KREMEN1: variants seen among roughly 807,000 people sequenced by gnomAD.
KREMEN1 encodes the protein kringle containing transmembrane protein 1, also known as kremen protein 1.
KREMEN1 carries 30 observed loss-of-function variants against 46.5 expected under a neutral mutation model. The observed-to-expected ratio is 0.65, with a 90% CI of 0.48 to 0.88. The LOEUF is 0.88. KREMEN1 is among the 40% of genes least tolerant of loss of function. The probability of loss-of-function intolerance (pLI) is 0.00; values close to 1 mark genes in which losing one functional copy is unlikely to be tolerated. For synonymous variants in KREMEN1, 214 were observed against 230.6 expected, an observed-to-expected ratio of 0.93 and a Z score of 0.65; for missense variants, 533 against 596.9, an observed-to-expected ratio of 0.89 and a Z score of 1.11.
chr22:29,096,025 T>A (rs990809378), intron 2 of KREMEN1, among the ~76,000 whole-genome samples: 1 of 152,226 alleles, frequency 6.6e-6, no homozygotes, highest in Non-Finnish European at 1.5e-5. Context: ...TTTTGCTATC[T>A]GTTGTATTTT....
intron 3 of KREMEN1, among the ~76,000 whole-genome samples, chr22:29,099,876 C>T (rs1298328531): frequency 1.3e-5 from 2 of 151,832 alleles, no homozygotes; most frequent in Non-Finnish European, 2.9e-5. Flanking sequence ...TATATGCAAA[C>T]TACAAAGACA....
rs998094745 is a variant in KREMEN1, at chr22:29,090,500, A to G, written c.98-3758A>G. 4.6e-5 allele frequency among the ~76,000 whole-genome samples: 7 copies of G among 152,222 alleles called. No homozygotes were observed. The East Asian group carries it at 1.3e-3, about 29-fold the overall frequency. On this transcript the variant is annotated intron_variant, in intron 1 of 8. Transcript: ENST00000400335. ...GTTTACCTGTGTAACAAACCTTCAC[A>G]TGTACCCCTGAACCCAAAATAAAAG...
intron 9 of KREMEN1, among the ~76,000 whole-genome samples, chr22:29,160,512 C>G (rs1334544676): frequency 1.4e-5 from 2 of 146,872 alleles, no homozygotes; most frequent in Non-Finnish European, 3.0e-5. Flanking sequence ...TGCACTCCAG[C>G]CTGGGTGACA....
chr22:29,130,866 A>G (rs1010730121), intron 5 of KREMEN1, among the ~76,000 whole-genome samples: 3 of 152,204 alleles, frequency 2.0e-5, no homozygotes, highest in Non-Finnish European at 2.9e-5. Context: ...CTCTCCTTCA[A>G]AAAATAAGGT....
intron 3 of KREMEN1, among the ~76,000 whole-genome samples, chr22:29,102,784 C>G (rs2037996722): frequency 6.6e-6 from 1 of 152,046 alleles, no homozygotes; most frequent in African/African-American, 2.4e-5. Context: ...CCTTGATAAC[C>G]CTCTAAAATC....
rs913307831 is a variant in KREMEN1, at chr22:29,137,617, T to C, written c.907T>C (p.Leu303=). 1 of 1,612,422 alleles carries C rather than the reference T, an allele frequency of 6.2e-7. No individual in the cohort carries two copies. ...CAACGTCTCTCTGGACTTCGTCATC[T>C]TGTATTTCTTCTCTGATCGCATCAA... ...SFNVSLDFVI[L]YFFSDRINQA... is the part of the protein sequence containing the mutation. The change falls in exon 6 of 9, where the codon TTG becomes CTG. Residue 303 remains leucine, a synonymous_variant. Transcript: ENST00000400335.
intron 9 of KREMEN1, among the ~76,000 whole-genome samples, chr22:29,155,959 C>CA (rs11320591): frequency 0.021 from 3,138 of 147,992 alleles, 42 homozygotes; most frequent in African/African-American, 0.025. Context: ...AACTCCATCT[C>CA]AAAAAAAAAA....
downstream of KREMEN1, among the ~76,000 whole-genome samples, chr22:29,147,930 C>T (rs543530160): frequency 6.6e-6 from 1 of 152,290 alleles, no homozygotes; most frequent in East Asian, 1.9e-4. Context: ...TAGTACCTGC[C>T]TTTGTGAGGC....
rs1160026569 is a variant in KREMEN1 at position 29,131,558 on chromosome 22, ATATGTG to A, written c.632-5782_632-5777del. Among the ~76,000 whole-genome samples, 135 of 59,630 alleles carry A rather than the reference ATATGTG, an allele frequency of 2.3e-3. 1 individual carries two copies. Among genetic ancestry groups the A allele is most frequent in the South Asian group, 0.012 (26 of 2,208 alleles). The allele number at this position is 59,630 out of a possible 152,430, so 39.1% of individuals were successfully genotyped here. A position where few individuals can be genotyped will look rare whatever the true frequency, so the allele number is the denominator to read the frequency against. ...TATATATATATATATATATATATATATATGTGTGTGTGTGTGTGTGTGTGTGTGTGT... is the reference window on the plus strand; with the variant it reads ...TATATATATATATATATATATATATATGTGTGTGTGTGTGTGTGTGTGTGT... On this transcript the variant is annotated intron_variant, in intron 5 of 8. Transcript: ENST00000400335.
In KREMEN1 at chr22:29,137,473, C is replaced by T; in HGVS notation, c.763C>T (p.His255Tyr). 6.2e-7 allele frequency: 1 copy of T among 1,607,468 alleles called. No individual in the cohort carries two copies. Among genetic ancestry groups the T allele is most frequent in the East Asian group, 2.2e-5 (1 of 44,628 alleles). ...CCGGGTTCCGGGGGCCTCCCACATC[C>T]ACTTCAGCTTCCCCCTATTTGACAT... ...TIRVPGASHI[H>Y]FSFPLFDIRD... Residue 255 changes from histidine to tyrosine, a missense_variant, in exon 6 of 9, where the codon CAC becomes TAC. Transcript: ENST00000400335.
At chr22:29,161,254 TC>T (rs566173700) in intron 9 of KREMEN1, among the ~76,000 whole-genome samples, 239 of 152,230 alleles carry the variant, frequency 1.6e-3, no homozygotes, top group African/African-American at 5.5e-3. Context: ...ATGCCTGTGA[TC>T]CCAGCACTTT....
intron 5 of KREMEN1, among the ~76,000 whole-genome samples, chr22:29,136,357 A>G (rs900910144): frequency 1.3e-5 from 2 of 151,830 alleles, no homozygotes; most frequent in Non-Finnish European, 2.9e-5. Flanking sequence ...GTGGATCACG[A>G]GGTCAGGAGA....
In KREMEN1 at chr22:29,144,163, T is replaced by C. The variant is rs1337440743; in HGVS notation, c.*2051T>C. ...GATTGTTGCGCCTCTGGCTTTGGCG[T>C]TTCCTCTTTGCAGCACTTTGCCTAC... On this transcript the variant is annotated 3_prime_UTR_variant, in exon 9 of 9. Transcript: ENST00000400335. 1.1e-5 allele frequency: 11 copies of C among 985,540 alleles called. No individual in the cohort carries two copies. Among genetic ancestry groups the C allele is most frequent in the Non-Finnish European group, 1.3e-5 (11 of 830,088 alleles). 61.0% of individuals were successfully genotyped at this position (985,540 alleles called of 1,614,324 possible).
Position 29,121,409 on chromosome 22 carries a change from T to C in KREMEN1, c.405T>C (p.Thr135=), listed in dbSNP as rs776457297. The C allele has an allele frequency of 6.2e-7, 1 of 1,614,108 alleles. No individual in the cohort carries two copies. The highest frequency in any genetic ancestry group is 1.1e-5 in the South Asian group (1 of 91,080). The change falls in exon 4 of 9, where the codon ACT becomes ACC. Residue 135 remains threonine (T), a synonymous_variant. Transcript: ENST00000400335. ...YKDHGNPPPL[T]GTSKTSNKLT... ...ATCATGGAAACCCACCTCCTCTAAC[T>C]GGCACCAGTAAAACGTCCAACAAAC...
At chr22:29,132,354 G>A (rs1413308234) in intron 5 of KREMEN1, among the ~76,000 whole-genome samples, 1 of 152,144 alleles carries the variant, frequency 6.6e-6, no homozygotes, top group Non-Finnish European at 1.5e-5. Flanking sequence ...TGCTTATGTG[G>A]ACATATGTTG....
At chr22:29,094,626 C>CT (rs134659) in intron 2 of KREMEN1, among the ~76,000 whole-genome samples, 34,373 of 112,680 alleles carry the variant, frequency 0.31, 7,959 homozygotes, top group Middle Eastern at 0.49. Context: ...ATTTACCACT[C>CT]TTTTTTTTTT....
chr22:29,096,796 C>T lies in KREMEN1; in HGVS notation c.261-2066C>T, dbSNP rs9625702. ...GCTTTACCAAATAAATACATCAAAG[C>T]TGAACACCGAATAGAGGGAGGAAAA... On this transcript the variant is annotated intron_variant, in intron 2 of 8. Coordinates refer to ENST00000400335, the MANE Select transcript of KREMEN1 (RefSeq NM_001039570.3). 4.2e-3 allele frequency among the ~76,000 whole-genome samples: 638 copies of T among 152,308 alleles called. 6 individuals are homozygous for T. The highest frequency in any genetic ancestry group is 0.015 in the African/African-American group (603 of 41,574).
At position 29,144,701 on chromosome 22, in the gene KREMEN1, AG is replaced by A; in HGVS notation, c.*2591del. 1.0e-6 allele frequency: 1 copy of A among 985,516 alleles called. No individual in the cohort carries two copies. The allele number at this position is 985,516 out of a possible 1,614,324, so 61.0% of individuals were successfully genotyped here. ...CAAAGGGAATGTGGCACGTGGCCCC[AG>A]GAAGAGTTCACCCGGCCAGGGGGCA... On this transcript the variant is annotated 3_prime_UTR_variant, in exon 9 of 9. Coordinates refer to ENST00000400335, the MANE Select transcript of KREMEN1 (RefSeq NM_001039570.3).
intron 9 of KREMEN1, among the ~76,000 whole-genome samples, chr22:29,159,798 G>T (rs1461992614): frequency 3.3e-5 from 5 of 152,158 alleles, no homozygotes; most frequent in African/African-American, 1.2e-4. Context: ...TGGCAGATGG[G>T]TGGATGAAGT....
Sources: gnomAD v4.1 joint callset for allele counts (sites outside exome capture counted in the v4.1 genomes callset) on GRCh38, gnomAD v4.1.1 for gene constraint, MANE v1.5 for transcripts, NCBI Gene and HGNC (gene_info 2026-07-23, HGNC 2026-07-21) for gene names.